ROBO2: variants seen among roughly 807,000 people sequenced by gnomAD.
ROBO2 encodes roundabout homolog 2.
A neutral mutation model predicts 160.8 loss-of-function variants in ROBO2; 53 were observed. That is an observed-to-expected ratio of 0.33 (90% CI 0.26 to 0.41). The LOEUF is 0.41. Among genes scored for constraint, ROBO2 ranks in the 10% least tolerant of loss-of-function variants. The pLI is 1.00. For synonymous variants in ROBO2, 664 were observed against 611.7 expected (o/e 1.09, Z -1.26); for missense variants, 1,577 against 1,722.4 (o/e 0.92, Z 1.49).
At chr3:77,362,459 T>C (rs986943397) in intron 2 of ROBO2, among the ~76,000 whole-genome samples, 1 of 152,096 alleles carries the variant, frequency 6.6e-6, no homozygotes, top group Admixed American at 6.6e-5. Context: ...TGGTGGAGGA[T>C]GAAGAACCTG....
chr3:77,276,367 A>C (rs1195763357), intron 2 of ROBO2, among the ~76,000 whole-genome samples: 1 of 152,106 alleles, frequency 6.6e-6, no homozygotes. Flanking sequence ...TAAACTGTAC[A>C]TCTGTTTATA....
chr3:76,377,998 C>T (rs1456541414), intron 2 of ROBO2, among the ~76,000 whole-genome samples: 1 of 152,118 alleles, frequency 6.6e-6, no homozygotes, highest in Admixed American at 6.6e-5. Context: ...CACCCTCTGC[C>T]ACTCCATTTC....
chr3:76,573,149 G>A (rs2085056967), intron 2 of ROBO2, among the ~76,000 whole-genome samples: 1 of 152,096 alleles, frequency 6.6e-6, no homozygotes, highest in African/African-American at 2.4e-5. Flanking sequence ...GTAGCGAAAA[G>A]GGCATGGATT....
chr3:76,124,707 AAATT>A (rs148059855), intron 2 of ROBO2, among the ~76,000 whole-genome samples: 3,125 of 152,270 alleles, frequency 0.021, 104 homozygotes, highest in African/African-American at 0.063. Context: ...TGAACTTCTC[AAATT>A]AATCTAGAAA....
chr3:77,492,036 G>A (rs1050800795), intron 4 of ROBO2, among the ~76,000 whole-genome samples: 8 of 152,026 alleles, frequency 5.3e-5, no homozygotes, highest in African/African-American at 1.9e-4. Flanking sequence ...TTCTTTGAAG[G>A]TTTCCTGCCG....
chr3:77,455,131 G>A (rs1029328673), intron 2 of ROBO2, among the ~76,000 whole-genome samples: 6 of 152,156 alleles, frequency 3.9e-5, no homozygotes, highest in Non-Finnish European at 8.8e-5. Context: ...CCCCAAAACA[G>A]TACATTTAAC....
At chr3:76,041,767 T>C (rs1191877757) in intron 2 of ROBO2, among the ~76,000 whole-genome samples, 1 of 152,030 alleles carries the variant, frequency 6.6e-6, no homozygotes, top group Non-Finnish European at 1.5e-5. Flanking sequence ...ATTTATTTAA[T>C]TATTGCTTAT....
chr3:76,610,230 G>A (rs2109065649), intron 2 of ROBO2, among the ~76,000 whole-genome samples: 1 of 152,274 alleles, frequency 6.6e-6, no homozygotes, highest in Non-Finnish European at 1.5e-5. Context: ...TAATGTTACA[G>A]GATTCCTTTG....
At chr3:77,060,211 C>G (rs1003906086) in intron 1 of ROBO2, among the ~76,000 whole-genome samples, 2 of 152,124 alleles carry the variant, frequency 1.3e-5, no homozygotes, top group African/African-American at 2.4e-5. Flanking sequence ...CTCCTGGAGT[C>G]ATGCACAGAT....
chr3:76,596,510 A>T (rs1022425209), intron 2 of ROBO2, among the ~76,000 whole-genome samples: 2 of 152,226 alleles, frequency 1.3e-5, no homozygotes, highest in East Asian at 3.9e-4. Flanking sequence ...GAAGTGTGGG[A>T]TGAATCTTGA....
At chr3:77,034,081 A>G (rs2063482339) in intron 2 of ROBO2, among the ~76,000 whole-genome samples, 1 of 151,218 alleles carries the variant, frequency 6.6e-6, no homozygotes, top group Non-Finnish European at 1.5e-5. Context: ...GAAAAAAAAA[A>G]TCACTTGTTG....
chr3:76,627,241 ACT>A (rs1187306658), intron 2 of ROBO2, among the ~76,000 whole-genome samples: 4 of 152,024 alleles, frequency 2.6e-5, no homozygotes, highest in Non-Finnish European at 4.4e-5. Flanking sequence ...GCTTAATTTT[ACT>A]CTCTCTACAC....
chr3:77,237,411 T>TTGTTTTGTGTGTGTGTGTGTGTG (rs1553862751), intron 2 of ROBO2, among the ~76,000 whole-genome samples: 2 of 131,046 alleles, frequency 1.5e-5, no homozygotes, highest in Admixed American at 1.6e-4. Flanking sequence ...TTGTTTTGTT[T>TTGTTTTGTGTGTGTGTGTGTGTG]TGTGTGTGTG....
intron 2 of ROBO2, among the ~76,000 whole-genome samples, chr3:76,516,025 G>T (rs970792347): frequency 2.0e-5 from 3 of 152,080 alleles, no homozygotes; most frequent in Non-Finnish European, 2.9e-5. Flanking sequence ...GAGGCGAAAA[G>T]CTAGATTTAG....
chr3:77,317,354 C>T, intron 2 of ROBO2: 1 of 859,476 alleles, frequency 1.2e-6, no homozygotes, highest in Non-Finnish European at 1.9e-6. Flanking sequence ...CGTCCACGCT[C>T]ATCTCGGTGC....
At chr3:76,368,772 C>A (rs1002494577) in intron 2 of ROBO2, among the ~76,000 whole-genome samples, 2 of 151,870 alleles carry the variant, frequency 1.3e-5, no homozygotes, top group Non-Finnish European at 2.9e-5. Context: ...TGTTCCCCTC[C>A]CTTGAATCAG....
chr3:76,420,339 T>G (rs1315445076), intron 2 of ROBO2, among the ~76,000 whole-genome samples: 1 of 152,130 alleles, frequency 6.6e-6, no homozygotes, highest in Non-Finnish European at 1.5e-5. Flanking sequence ...GAATACAGTC[T>G]TTATCAGTTT....
At chr3:76,439,876 T>C (rs1164215124) in intron 2 of ROBO2, among the ~76,000 whole-genome samples, 5 of 152,142 alleles carry the variant, frequency 3.3e-5, no homozygotes, top group African/African-American at 1.2e-4. Context: ...CGATGGGTAG[T>C]TCATCACATT....
intron 2 of ROBO2, among the ~76,000 whole-genome samples, chr3:76,755,332 T>A (rs2108294234): frequency 6.6e-6 from 1 of 151,908 alleles, no homozygotes; most frequent in South Asian, 2.1e-4. Flanking sequence ...AGACCTCGTA[T>A]TATTATAAAA....
Sources: allele counts gnomAD v4.1 joint callset (sites outside exome capture counted in the v4.1 genomes callset), GRCh38; gene constraint gnomAD v4.1.1; transcripts MANE v1.5; gene names NCBI Gene and HGNC (gene_info 2026-07-23, HGNC 2026-07-21).